Variants in RBFOX1 observed in about 807,000 individuals in gnomAD.
The protein encoded by RBFOX1 is RNA binding fox-1 homolog 1.
Under a neutral mutation model 57.7 loss-of-function variants are expected in RBFOX1, and 8 were observed. That is an observed-to-expected ratio of 0.14 (90% confidence interval 0.08 to 0.25). The LOEUF (loss-of-function observed/expected upper bound fraction) is 0.25. Among genes scored for constraint, RBFOX1 ranks in the 10% least tolerant of loss-of-function variants. The probability of loss-of-function intolerance (pLI) is 1.00; values close to 1 mark genes in which losing one functional copy is unlikely to be tolerated. For synonymous variants in RBFOX1, 326 were observed against 222.4 expected (o/e 1.47, Z -4.15); for missense variants, 611 against 548.5 (o/e 1.11, Z -1.14).
intron 5 of RBFOX1, among the ~76,000 whole-genome samples, chr16:7,525,383 T>A (rs2078463856): frequency 6.6e-6 from 1 of 152,176 alleles, no homozygotes; most frequent in African/African-American, 2.4e-5. Context: ...CTGTTGATAT[T>A]TACCATCAGG....
chr16:7,612,598 T>A (rs1025380236), intron 10 of RBFOX1, among the ~76,000 whole-genome samples: 7 of 151,714 alleles, frequency 4.6e-5, no homozygotes. Flanking sequence ...ATTTCCCTTG[T>A]CTTCTAATAA....
chr16:7,137,018 GC>G (rs1844872451), intron 4 of RBFOX1, among the ~76,000 whole-genome samples: 1 of 152,280 alleles, frequency 6.6e-6, no homozygotes, highest in South Asian at 2.1e-4. Flanking sequence ...TCTTTTGTTT[GC>G]CAACTGGACA....
chr16:7,033,683 T>C (rs1326325590), intron 3 of RBFOX1, among the ~76,000 whole-genome samples: 1 of 152,046 alleles, frequency 6.6e-6, no homozygotes, highest in Admixed American at 6.5e-5. Context: ...TGGGGCTTGG[T>C]TCCCTATTGA....
At chr16:5,921,302 T>C (rs1597799608) in intron 4 of RBFOX1, among the ~76,000 whole-genome samples, 1 of 152,212 alleles carries the variant, frequency 6.6e-6, no homozygotes, top group South Asian at 2.1e-4. Flanking sequence ...AGATTGTCTT[T>C]CTTTACTGGC....
chr16:6,873,169 G>T (rs1362138230), intron 3 of RBFOX1, among the ~76,000 whole-genome samples: 1 of 150,330 alleles, frequency 6.7e-6, no homozygotes, highest in East Asian at 1.9e-4. Flanking sequence ...CTTTCCTCCT[G>T]AAGCGTGAAG....
intron 1 of RBFOX1, among the ~76,000 whole-genome samples, chr16:6,062,887 C>T (rs2095707355): frequency 6.6e-6 from 1 of 151,994 alleles, no homozygotes. Context: ...AGTCTGAAAT[C>T]TGTAGGCCAG....
chr16:7,088,147 T>G (rs570454302), intron 4 of RBFOX1, among the ~76,000 whole-genome samples: 1 of 152,142 alleles, frequency 6.6e-6, no homozygotes, highest in African/African-American at 2.4e-5. Context: ...TGTATGGGGT[T>G]TGGGGGGATG....
At chr16:5,722,191 T>C (rs536001226) in intron 3 of RBFOX1, among the ~76,000 whole-genome samples, 5 of 152,348 alleles carry the variant, frequency 3.3e-5, no homozygotes, top group African/African-American at 1.2e-4. Flanking sequence ...AAATAGGGTT[T>C]GTTAATTACA....
chr16:5,768,789 GTCCAAATGGAGTCCCC>G (rs1482436115), intron 3 of RBFOX1, among the ~76,000 whole-genome samples: 5 of 152,168 alleles, frequency 3.3e-5, no homozygotes. Context: ...CTTCTGTTGT[GTCCAAATGGAGTCCCC>G]TCCACGGAAC....
At chr16:6,845,570 T>A (rs548640637) in intron 3 of RBFOX1, among the ~76,000 whole-genome samples, 1 of 152,190 alleles carries the variant, frequency 6.6e-6, no homozygotes, top group African/African-American at 2.4e-5. Flanking sequence ...CCATGCTGTT[T>A]TGGTTATTGT....
At chr16:6,854,435 T>G (rs2057415368) in intron 3 of RBFOX1, among the ~76,000 whole-genome samples, 1 of 151,898 alleles carries the variant, frequency 6.6e-6, no homozygotes, top group African/African-American at 2.4e-5. Flanking sequence ...GAAGCTAAAT[T>G]GATGGAAATT....
Position 6,019,481 on chromosome 16 carries a change from C to T in RBFOX1, c.-638C>T, listed in dbSNP as rs2095026490. 1 of 1,006,058 alleles carries T rather than the reference C, an allele frequency of 9.9e-7. No individual in the cohort carries two copies. The highest frequency in any genetic ancestry group is 1.2e-6 in the Non-Finnish European group (1 of 843,788). 62.3% of individuals were successfully genotyped at this position (1,006,058 alleles called of 1,614,324 possible). On this transcript the variant is annotated 5_prime_UTR_variant, in exon 1 of 16. Transcript: ENST00000550418. This position sits in a 1 kb window ranked among gnomAD's most constrained non-coding sequence, Gnocchi z 4.2. ...AACTCGCGGAGGGGAATCCCTCCCC[C>T]TCCGCCCCAGCCCCCCAGCAGCACC...
chr16:5,742,927 A>T (rs1427648253), intron 3 of RBFOX1, among the ~76,000 whole-genome samples: 1 of 152,210 alleles, frequency 6.6e-6, no homozygotes, highest in Non-Finnish European at 1.5e-5. Context: ...ACACAGCACC[A>T]TGGTGTGTAT....
chr16:7,657,752 C>G (rs537234776), intron 12 of RBFOX1, among the ~76,000 whole-genome samples: 1 of 152,298 alleles, frequency 6.6e-6, no homozygotes, highest in East Asian at 1.9e-4. Context: ...GACATTAACA[C>G]ATGATCATTC....
At chr16:7,072,637 T>C (rs2057556843) in intron 4 of RBFOX1, among the ~76,000 whole-genome samples, 2 of 152,224 alleles carry the variant, frequency 1.3e-5, no homozygotes, top group Non-Finnish European at 2.9e-5. Flanking sequence ...TAGGAAGAGA[T>C]TTCAGAATAT....
At chr16:5,905,759 C>T (rs951253106) in intron 4 of RBFOX1, among the ~76,000 whole-genome samples, 3 of 152,114 alleles carry the variant, frequency 2.0e-5, no homozygotes, top group Non-Finnish European at 1.5e-5. Context: ...AGTACCCAAC[C>T]CTTCAGATTT....
chr16:6,358,134 G>T (rs1290753040), intron 2 of RBFOX1, among the ~76,000 whole-genome samples: 3 of 152,078 alleles, frequency 2.0e-5, no homozygotes, highest in African/African-American at 7.2e-5. Context: ...GTGTGGCTTT[G>T]TGGAAGTCGT....
intron 2 of RBFOX1, among the ~76,000 whole-genome samples, chr16:6,465,145 C>T (rs2095016059): frequency 6.6e-6 from 1 of 152,180 alleles, no homozygotes; most frequent in Non-Finnish European, 1.5e-5. Context: ...TCTCCATTTT[C>T]TTGTTTCTGT....
At chr16:6,539,472 T>A (rs1017363003) in intron 2 of RBFOX1, among the ~76,000 whole-genome samples, 4 of 152,162 alleles carry the variant, frequency 2.6e-5, no homozygotes, top group African/African-American at 9.7e-5. Flanking sequence ...ATTACATAGT[T>A]TGGGTCTATT....
Sources: gnomAD v4.1 joint callset for allele counts (sites outside exome capture counted in the v4.1 genomes callset) on GRCh38, gnomAD v4.1.1 for gene constraint, Gnocchi (gnomAD v3.1) non-coding constraint, MANE v1.5 for transcripts, NCBI Gene and HGNC (gene_info 2026-07-23, HGNC 2026-07-21) for gene names.